The following NBAS variants were observed in gnomAD, a reference collection of about 807,000 sequenced individuals.
NBAS encodes the protein NAG/BC035112 fusion.
A neutral mutation model predicts 302.5 loss-of-function variants in NBAS; 219 were observed. That is an observed-to-expected ratio of 0.72 (90% CI 0.65 to 0.81). The LOEUF (loss-of-function observed/expected upper bound fraction) is 0.81. Ranked by LOEUF, NBAS falls within the 30% of genes least tolerant of loss-of-function variation. The pLI is 0.00. For synonymous variants in NBAS, 1,118 were observed against 1,021.6 expected (o/e 1.09, Z -1.80); for missense variants, 2,932 against 2,841.6 (o/e 1.03, Z -0.72).
chr2:15,285,668 T>C (rs1341632400), intron 42 of NBAS, among the ~76,000 whole-genome samples: 1 of 152,220 alleles, frequency 6.6e-6, no homozygotes, highest in African/African-American at 2.4e-5. Flanking sequence ...TTTTTCTTTT[T>C]TTGAGACAGA....
At chr2:15,328,473 G>A (rs1297194416) in intron 36 of NBAS, among the ~76,000 whole-genome samples, 161 bp from the exon 37 acceptor site, 1 of 152,118 alleles carries the variant, frequency 6.6e-6, no homozygotes, top group African/African-American at 2.4e-5. Context: ...TAAAAAGAGA[G>A]CCAGAGTCAC....
rs760087517 is a variant in NBAS at position 15,504,179 on chromosome 2, C to T, written c.920G>A (p.Ser307Asn). 3 of 1,613,500 alleles carry T rather than the reference C, an allele frequency of 1.9e-6. No individual in the cohort carries two copies. Among genetic ancestry groups the T allele is most frequent in the Non-Finnish European group, 1.7e-6 (2 of 1,179,510 alleles). Residue 307 changes from serine to asparagine, a missense_variant, in exon 11 of 52, where the codon AGT (serine) becomes AAT (asparagine). By Grantham distance (46) the Ser-to-Asn change is conservative (BLOSUM62 1). Transcript: ENST00000281513. ...TCCCTGGCGACTGTAAAACTTGACACTTAACATCCTTAATAATCCCAGTGT... is the reference window on the plus strand; with the variant it reads ...TCCCTGGCGACTGTAAAACTTGACATTTAACATCCTTAATAATCCCAGTGT... ...PKTLGLLRML[S>N]VKFYSRQGQE...
At chr2:15,525,941 G>A (rs1463472814) in intron 9 of NBAS, among the ~76,000 whole-genome samples, 1 of 152,140 alleles carries the variant, frequency 6.6e-6, no homozygotes, top group Non-Finnish European at 1.5e-5. Context: ...TTGGGACTGT[G>A]TGATTCCCAG....
chr2:14,899,325 C>T, the NBAS span, among the ~76,000 whole-genome samples: 1 of 152,134 alleles, frequency 6.6e-6, no homozygotes, highest in East Asian at 1.9e-4. Flanking sequence ...ATGAGTAATA[C>T]TAGCCTGTGT....
the NBAS span, among the ~76,000 whole-genome samples, chr2:15,086,922 G>T: frequency 1.3e-5 from 2 of 152,142 alleles, no homozygotes; most frequent in Non-Finnish European, 2.9e-5. Context: ...TAATGTGGGT[G>T]GGCCTTATCC....
chr2:14,860,279 C>A, the NBAS span, among the ~76,000 whole-genome samples: 1 of 152,050 alleles, frequency 6.6e-6, no homozygotes, highest in African/African-American at 2.4e-5. Flanking sequence ...ATGGTGTTTC[C>A]TCAAAACCCT....
the NBAS span, among the ~76,000 whole-genome samples, chr2:15,145,389 GTGTT>G: frequency 2.2e-4 from 26 of 119,266 alleles, no homozygotes; most frequent in African/African-American, 8.7e-4. Context: ...TGAGATGTAT[GTGTT>G]TGTTTGTATG....
intron 2 of NBAS, 149 bp downstream of exon 2, chr2:15,558,431 T>C: frequency 1.6e-6 from 1 of 617,204 alleles, no homozygotes; most frequent in Non-Finnish European, 2.8e-6. Flanking sequence ...AATGTATACA[T>C]ATACATACAT....
chr2:15,474,751 G>C (rs1020509120), intron 14 of NBAS, among the ~76,000 whole-genome samples: 3 of 152,104 alleles, frequency 2.0e-5, no homozygotes, highest in African/African-American at 7.2e-5. Flanking sequence ...ACTAGAGATA[G>C]GGTTTCACCA....
chr2:15,480,068 T>C (rs1680361858), intron 12 of NBAS, among the ~76,000 whole-genome samples: 1 of 150,716 alleles, frequency 6.6e-6, no homozygotes, highest in East Asian at 1.9e-4. Context: ...GGGCCAGGCA[T>C]GGTGGCTCAC....
chr2:15,075,586 C>T, the NBAS span, among the ~76,000 whole-genome samples: 735 of 152,354 alleles, frequency 4.8e-3, 6 homozygotes, highest in African/African-American at 0.017. Flanking sequence ...ACACACAGCT[C>T]TGCTGCCACA....
chr2:15,166,130 C>T (rs1302950617), downstream of NBAS, among the ~76,000 whole-genome samples: 8 of 152,204 alleles, frequency 5.3e-5, no homozygotes, highest in Admixed American at 5.2e-4. Flanking sequence ...GCAAGCTATG[C>T]CCTGGGACCC....
At chr2:15,291,917 A>G (rs981853576) in intron 41 of NBAS, among the ~76,000 whole-genome samples, 1 of 152,178 alleles carries the variant, frequency 6.6e-6, no homozygotes, top group African/African-American at 2.4e-5. Context: ...GGCTATCAAA[A>G]CTACAGGAAA....
chr2:15,398,948 G>A (rs1219985048), intron 26 of NBAS, among the ~76,000 whole-genome samples: 1 of 152,050 alleles, frequency 6.6e-6, no homozygotes, highest in Non-Finnish European at 1.5e-5. Context: ...AAAAGCTTTT[G>A]GCTATGTATA....
At chr2:15,514,169 T>C (rs1386132779) in intron 9 of NBAS, among the ~76,000 whole-genome samples, 1 of 152,198 alleles carries the variant, frequency 6.6e-6, no homozygotes, top group Non-Finnish European at 1.5e-5. Flanking sequence ...TTCAATATAA[T>C]CCAGGGAAGG....
chr2:14,837,147 A>G, the NBAS span, among the ~76,000 whole-genome samples: 1 of 151,736 alleles, frequency 6.6e-6, no homozygotes, highest in Admixed American at 6.6e-5. Flanking sequence ...TATAACTTTT[A>G]TTTGTTCCTC....
chr2:14,857,671 T>C, the NBAS span, among the ~76,000 whole-genome samples: 1 of 152,100 alleles, frequency 6.6e-6, no homozygotes, highest in Non-Finnish European at 1.5e-5. Flanking sequence ...AAAAATCAAA[T>C]CAAAATGGAT....
chr2:14,965,627 T>C, the NBAS span, among the ~76,000 whole-genome samples: 5 of 152,186 alleles, frequency 3.3e-5, no homozygotes. Context: ...TTCTACACAA[T>C]TTATTCCAGC....
chr2:15,533,072 C>A (rs77284569), intron 9 of NBAS, among the ~76,000 whole-genome samples: 1 of 152,160 alleles, frequency 6.6e-6, no homozygotes, highest in Non-Finnish European at 1.5e-5. Flanking sequence ...GTGACATGTT[C>A]TTTTACACCT....
Sources: gnomAD v4.1 joint callset for allele counts (sites outside exome capture counted in the v4.1 genomes callset) on GRCh38, gnomAD v4.1.1 for gene constraint, MANE v1.5 for transcripts, NCBI Gene and HGNC (gene_info 2026-07-23, HGNC 2026-07-21) for gene names.